The following MEIS1 variants were observed in gnomAD, a reference collection of about 807,000 sequenced individuals.
The protein encoded by MEIS1 is Meis homeobox 1.
In MEIS1, 5 loss-of-function variants were observed where a neutral mutation model predicts 50.8. That is an observed-to-expected ratio of 0.10 (90% CI 0.05 to 0.21). MEIS1 has a LOEUF of 0.21. MEIS1 is among the 10% of genes least tolerant of loss of function. The probability of loss-of-function intolerance (pLI) is 1.00; values close to 1 mark genes in which losing one functional copy is unlikely to be tolerated. For missense variants in MEIS1, 318 were observed against 517.3 expected (o/e 0.61, Z 3.74); for synonymous variants, 176 against 179.3 (o/e 0.98, Z 0.15).
At chr2:66,504,876 A>T (rs1046381321) in intron 7 of MEIS1, among the ~76,000 whole-genome samples, 2 of 152,204 alleles carry the variant, frequency 1.3e-5, no homozygotes, top group African/African-American at 4.8e-5. Flanking sequence ...TGTGGGTGGT[A>T]AAATATATGA....
chr2:66,462,970 C>T (rs919347519), intron 6 of MEIS1, among the ~76,000 whole-genome samples: 10 of 151,978 alleles, frequency 6.6e-5, no homozygotes, highest in Non-Finnish European at 1.5e-4. Context: ...ATACAGCATG[C>T]CTCTTAGATG....
chr2:66,527,791 C>G (rs1457432860), intron 8 of MEIS1, among the ~76,000 whole-genome samples: 1 of 152,258 alleles, frequency 6.6e-6, no homozygotes, highest in Non-Finnish European at 1.5e-5. Flanking sequence ...TTCAAACCTG[C>G]TTGTTATGTT....
Position 66,440,018 on chromosome 2 carries a change from C to G in MEIS1, c.381+34C>G, listed in dbSNP as rs750170830. 3 of 1,561,320 alleles carry G rather than the reference C, an allele frequency of 1.9e-6. No homozygotes were observed. In the South Asian group the frequency reaches 3.5e-5, roughly 18 times the overall value. ...AATAGATGTTAAAAAGTAAAAGAAACAAAAAGAGAGCCCCCCCTTCGCCAA... is the reference window on the plus strand; with the variant it reads ...AATAGATGTTAAAAAGTAAAAGAAAGAAAAAGAGAGCCCCCCCTTCGCCAA... On this transcript the variant is annotated intron_variant, in intron 3 of 12. Transcript: ENST00000272369.
chr2:66,479,016 A>G (rs1672958571), intron 7 of MEIS1, among the ~76,000 whole-genome samples: 1 of 152,234 alleles, frequency 6.6e-6, no homozygotes, highest in African/African-American at 2.4e-5. Context: ...TTGCATCTAT[A>G]AATAAATGTA....
rs1674503986 is a variant in MEIS1 at position 66,535,803 on chromosome 2, G to A, written c.889-12140G>A. 2.0e-5 allele frequency among the ~76,000 whole-genome samples: 3 copies of A among 152,184 alleles called. No individual in the cohort carries two copies. The South Asian group carries it at 6.2e-4, about 32-fold the overall frequency. Reference sequence around the variant, plus strand: ...TTTAGATTTTTTTTTTCTTCTTAAGGGGGAATTCCCTTTAGTTTGATTGCA... The same window carrying A: ...TTTAGATTTTTTTTTTCTTCTTAAGAGGGAATTCCCTTTAGTTTGATTGCA... On this transcript the variant is annotated intron_variant, in intron 8 of 12. Transcript: ENST00000272369.
Position 66,435,686 on chromosome 2 carries a change from G to A in MEIS1, c.-171G>A, listed in dbSNP as rs1671781377. 5 of 557,908 alleles carry A rather than the reference G, an allele frequency of 9.0e-6. No homozygotes were observed. The highest frequency in any genetic ancestry group is 1.5e-5 in the Non-Finnish European group (5 of 329,534). The allele number at this position is 557,908 out of a possible 1,614,324, so 34.6% of individuals were successfully genotyped here. On this transcript the variant is annotated 5_prime_UTR_variant, in exon 1 of 13. Coordinates refer to ENST00000272369, the MANE Select transcript of MEIS1 (RefSeq NM_002398.3). ...CGCTTTGCTTCAGGTCCCGTAGACC[G>A]AAGATCTGGGACCAGTAGCTCACGT...
chr2:66,571,371 A>C lies in MEIS1; in HGVS notation c.*163A>C, dbSNP rs1277606017. The C allele has an allele frequency of 2.5e-6, 4 of 1,602,126 alleles. No individual in the cohort carries two copies. The African/African-American group carries it at 5.4e-5, about 22-fold the overall frequency. ...TGCTCAGCTGCGTCATGGGCCCCCC[A>C]TGCATACGTACATTCCTGGACACCC... On this transcript the variant is annotated 3_prime_UTR_variant, in exon 13 of 13. Transcript: ENST00000272369.
intron 2 of MEIS1, chr2:66,439,565 T>C: frequency 4.6e-6 from 7 of 1,524,588 alleles, no homozygotes; most frequent in Non-Finnish European, 5.3e-6. Context: ...TTGGGTTTTA[T>C]TCGTAGCAAA....
chr2:66,542,574 G>A (rs931872807), intron 8 of MEIS1, among the ~76,000 whole-genome samples: 1 of 152,106 alleles, frequency 6.6e-6, no homozygotes, highest in African/African-American at 2.4e-5. Context: ...CTTGAAAATT[G>A]CTTCTACCTC....
chr2:66,538,451 C>T (rs1431913587), intron 8 of MEIS1, among the ~76,000 whole-genome samples: 1 of 152,152 alleles, frequency 6.6e-6, no homozygotes, highest in Non-Finnish European at 1.5e-5. Context: ...GGACTAGGCA[C>T]TCTACTATTC....
intron 8 of MEIS1, among the ~76,000 whole-genome samples, chr2:66,540,469 C>G (rs542098060): frequency 6.6e-6 from 1 of 152,150 alleles, no homozygotes; most frequent in East Asian, 1.9e-4. Flanking sequence ...GACATCACGC[C>G]CAGCTAATTT....
intron 7 of MEIS1, among the ~76,000 whole-genome samples, chr2:66,468,636 A>G (rs879541214): frequency 5.9e-5 from 9 of 152,138 alleles, no homozygotes; most frequent in Non-Finnish European, 1.3e-4. Context: ...CCTAACTATG[A>G]CATCCTATTT....
intron 8 of MEIS1, among the ~76,000 whole-genome samples, chr2:66,533,310 G>A (rs910751655): frequency 1.3e-5 from 2 of 151,500 alleles, no homozygotes; most frequent in East Asian, 1.9e-4. Flanking sequence ...GAAGGATCCC[G>A]ATTATTATTG....
rs1042445461 is a variant in MEIS1 at position 66,555,277 on chromosome 2, TCTC to T, written c.965+7259_965+7261del. 3.2e-4 allele frequency among the ~76,000 whole-genome samples: 8 copies of T among 24,790 alleles called. No individual in the cohort carries two copies. The East Asian group carries it at 0.25, about 775-fold the overall frequency. The allele number at this position is 24,790 out of a possible 152,430, so 16.3% of individuals were successfully genotyped here. A position where few individuals can be genotyped will look rare whatever the true frequency, so the allele number is the denominator to read the frequency against. On this transcript the variant is annotated intron_variant, in intron 9 of 12. Transcript: ENST00000272369. ...TGTTCTCTCTCTCTCTCTCTCTCTC[TCTC>T]GTCTCTCTCCACCCCCCAAACCCCC...
At chr2:66,465,524 A>G (rs753873278) in intron 7 of MEIS1, among the ~76,000 whole-genome samples, 1 of 152,194 alleles carries the variant, frequency 6.6e-6, no homozygotes, top group Non-Finnish European at 1.5e-5. Context: ...AGCACTTTCA[A>G]TATAAAGCCC....
intron 8 of MEIS1, among the ~76,000 whole-genome samples, chr2:66,544,700 T>C (rs918762566): frequency 1.3e-5 from 2 of 152,152 alleles, no homozygotes; most frequent in African/African-American, 4.8e-5. Context: ...TGAGCCTCCA[T>C]AGCTTGAGGC....
At chr2:66,466,598 T>A (rs1672641196) in intron 7 of MEIS1, among the ~76,000 whole-genome samples, 1 of 152,242 alleles carries the variant, frequency 6.6e-6, no homozygotes, top group South Asian at 2.1e-4. Context: ...CTTTTCCATG[T>A]TTTCCCTGTT....
In MEIS1 at chr2:66,548,033, C is replaced by CT. The variant is rs1674831846; in HGVS notation, c.965+17dup. On this transcript the variant is annotated intron_variant, in intron 9 of 12. Transcript: ENST00000272369. Reference sequence around the variant, plus strand: ...AGTGAACAATTGGTAAGTAATTTGGCTTTGTGTTTACACACAATCTGTTTC... The same window carrying CT: ...AGTGAACAATTGGTAAGTAATTTGGCTTTTGTGTTTACACACAATCTGTTTC... 6.2e-7 allele frequency: 1 copy of CT among 1,611,774 alleles called. No individual in the cohort carries two copies. The highest frequency in any genetic ancestry group is 1.7e-5 in the Admixed American group (1 of 59,718).
chr2:66,507,728 G>C (rs1673718362), intron 7 of MEIS1, among the ~76,000 whole-genome samples: 1 of 152,208 alleles, frequency 6.6e-6, no homozygotes, highest in African/African-American at 2.4e-5. Context: ...TGCTGACACG[G>C]TCAGTCTGAC....
Sources: gnomAD v4.1 joint callset for allele counts (sites outside exome capture counted in the v4.1 genomes callset) on GRCh38, gnomAD v4.1.1 for gene constraint, MANE v1.5 for transcripts, NCBI Gene and HGNC (gene_info 2026-07-23, HGNC 2026-07-21) for gene names.